PRKCZ: variants seen among roughly 807,000 people sequenced by gnomAD.
PRKCZ encodes protein kinase C zeta.
In PRKCZ, 33 loss-of-function variants were observed where a neutral mutation model predicts 79.5. That is an observed-to-expected ratio of 0.41 (90% CI 0.31 to 0.55). The LOEUF is 0.55. Ranked by LOEUF, PRKCZ falls within the 20% of genes least tolerant of loss-of-function variation. PRKCZ has a pLI of 0.19. For synonymous variants in PRKCZ, 342 were observed against 320.9 expected (o/e 1.07, Z -0.70); for missense variants, 578 against 813.5 (o/e 0.71, Z 3.52).
intron 4 of PRKCZ, among the ~76,000 whole-genome samples, chr1:2,118,617 G>C (rs540816457): frequency 6.6e-6 from 1 of 152,082 alleles, no homozygotes; most frequent in Admixed American, 6.6e-5. Context: ...GATTACAGGC[G>C]TGAGCCACTG....
intron 4 of PRKCZ, among the ~76,000 whole-genome samples, chr1:2,092,485 G>A (rs1665694199): frequency 6.6e-6 from 1 of 152,214 alleles, no homozygotes; most frequent in Admixed American, 6.5e-5. Flanking sequence ...GCAACCTGTG[G>A]GCCCTGGCAA....
intron 9 of PRKCZ, among the ~76,000 whole-genome samples, chr1:2,151,659 A>G (rs1188844228): frequency 6.6e-6 from 1 of 152,012 alleles, no homozygotes; most frequent in Non-Finnish European, 1.5e-5. Flanking sequence ...TCAATGGTTT[A>G]TTTGTTGAAA....
chr1:2,088,680 G>A (rs1664954332), intron 4 of PRKCZ, among the ~76,000 whole-genome samples: 1 of 152,186 alleles, frequency 6.6e-6, no homozygotes, highest in Non-Finnish European at 1.5e-5. Flanking sequence ...GAGCTTCGGA[G>A]CCTGACCAAA....
chr1:2,179,532 AGGT>A (rs1255865418), intron 16 of PRKCZ, among the ~76,000 whole-genome samples: 2 of 152,242 alleles, frequency 1.3e-5, no homozygotes, highest in Admixed American at 6.5e-5. Context: ...CTGATGTGAA[AGGT>A]GGTGGTGAGT....
chr1:2,158,995 G>A (rs997603799), intron 10 of PRKCZ, among the ~76,000 whole-genome samples: 4 of 151,732 alleles, frequency 2.6e-5, no homozygotes, highest in Non-Finnish European at 5.9e-5. Flanking sequence ...GCACGATCTC[G>A]GCTCACTGCA....
intron 9 of PRKCZ, 108 bp downstream of exon 9, chr1:2,151,086 T>C: frequency 1.5e-6 from 2 of 1,316,392 alleles, no homozygotes; most frequent in Non-Finnish European, 1.0e-6. Context: ...AGCCTCACGT[T>C]GACGGAGTTT....
At chr1:2,155,553 G>A (rs1680835741) in intron 9 of PRKCZ, among the ~76,000 whole-genome samples, 1 of 151,488 alleles carries the variant, frequency 6.6e-6, no homozygotes, top group Admixed American at 6.6e-5. Flanking sequence ...TGGTGGTGGT[G>A]ATGGTGATGA....
chr1:2,174,889 A>C lies in PRKCZ; in HGVS notation c.1485+56A>C. 1.3e-6 allele frequency: 2 copies of C among 1,563,592 alleles called. No homozygotes were observed. The highest frequency in any genetic ancestry group is 8.8e-7 in the Non-Finnish European group (1 of 1,134,968). ...GTTTGTGGCCTCGGTGTTGGTGGGC[A>C]GAGGGCCAGGCACGGCTGTTGGCCA... On this transcript the variant is annotated intron_variant, in intron 15 of 17. Coordinates refer to ENST00000378567, the MANE Select transcript of PRKCZ (RefSeq NM_002744.6). This position sits in a 1 kb window ranked among gnomAD's most constrained non-coding sequence, Gnocchi z 6.2.
rs758478111 is a variant in PRKCZ, at chr1:2,175,105, C to T, written c.1486-119C>T. On this transcript the variant is annotated intron_variant, in intron 15 of 17. Coordinates refer to ENST00000378567, the MANE Select transcript of PRKCZ (RefSeq NM_002744.6). ...AATAAAGGAAACATCTGATTTCCAC[C>T]ACCTGGGTCAGAGCATCGGGGGAGG... The T allele has an allele frequency of 9.0e-4, 774 of 856,722 alleles. 4 individuals carry two copies. Among genetic ancestry groups the T allele is most frequent in the Non-Finnish European group, 1.1e-3 (587 of 535,430 alleles). 53.1% of individuals were successfully genotyped at this position (856,722 alleles called of 1,614,324 possible). A position where few individuals can be genotyped will look rare whatever the true frequency, so the allele number is the denominator to read the frequency against.
In PRKCZ at chr1:2,160,238, C is replaced by CGCGCGTGTGTGTGT. The variant is rs71578361; in HGVS notation, c.974+4147_974+4148insCGCGTGTGTGTGTG. Among the ~76,000 whole-genome samples the CGCGCGTGTGTGTGT allele has an allele frequency of 7.1e-3, 1,037 of 146,446 alleles. 12 individuals are homozygous for CGCGCGTGTGTGTGT. Among genetic ancestry groups the CGCGCGTGTGTGTGT allele is most frequent in the African/African-American group, 0.025 (975 of 39,008 alleles). ...GAAAAGCACTTCACCCAGCAGTGTG[C>CGCGCGTGTGTGTGT]GTGTGTGTGTGTGTGTGTGTGTGTG... On this transcript the variant is annotated intron_variant, in intron 10 of 17. Transcript: ENST00000378567.
chr1:2,133,251 G>C (rs918600959), intron 4 of PRKCZ, among the ~76,000 whole-genome samples: 2 of 148,242 alleles, frequency 1.3e-5, no homozygotes, highest in Admixed American at 6.7e-5. Context: ...CCCCAGCTGC[G>C]CGGCCGTCCC....
intron 4 of PRKCZ, among the ~76,000 whole-genome samples, chr1:2,103,886 C>T (rs998227332): frequency 2.0e-5 from 3 of 152,166 alleles, no homozygotes; most frequent in South Asian, 2.1e-4. Context: ...TGAAGGGCAA[C>T]GCGCCCCCGT....
chr1:2,178,377 C>T lies in PRKCZ; in HGVS notation c.1575+3064C>T, dbSNP rs557307096. Among the ~76,000 whole-genome samples the T allele has an allele frequency of 7.2e-5, 11 of 152,340 alleles. No individual in the cohort carries two copies. The highest frequency in any genetic ancestry group is 1.6e-4 in the Non-Finnish European group (11 of 68,020). On this transcript the variant is annotated intron_variant, in intron 16 of 17. Coordinates refer to ENST00000378567, the MANE Select transcript of PRKCZ (RefSeq NM_002744.6). This position sits in a 1 kb window ranked among gnomAD's most constrained non-coding sequence, Gnocchi z 4.3. ...AGCACGTGGCACTGCCTCCTTCCTG[C>T]GCTGAACCCCACCCACTGCGTCCAC...
intron 4 of PRKCZ, among the ~76,000 whole-genome samples, chr1:2,110,878 G>A (rs1368717873): frequency 6.6e-6 from 1 of 152,072 alleles, no homozygotes; most frequent in Non-Finnish European, 1.5e-5. Context: ...GGGCCAGGGT[G>A]GGGCTGGTGG....
chr1:2,170,196 C>T (rs1353865082), intron 11 of PRKCZ, among the ~76,000 whole-genome samples: 1 of 152,146 alleles, frequency 6.6e-6, no homozygotes, highest in African/African-American at 2.4e-5. Flanking sequence ...TGAGAGACTC[C>T]TTCCTGCCCT....
intron 4 of PRKCZ, among the ~76,000 whole-genome samples, chr1:2,103,460 G>A (rs1667843100): frequency 6.6e-6 from 1 of 152,200 alleles, no homozygotes; most frequent in Non-Finnish European, 1.5e-5. Context: ...CCTCGGGAAG[G>A]CCTGGGAGGG....
At chr1:2,148,790 A>G (rs1679254607) in intron 7 of PRKCZ, 82 bp from the exon 8 acceptor site, 5 of 1,392,420 alleles carry the variant, frequency 3.6e-6, no homozygotes, top group Non-Finnish European at 5.1e-6. Context: ...CCTGCAGAGG[A>G]GCAAGGTCCA....
At chr1:2,074,331 G>A (rs1177165804) in intron 4 of PRKCZ, 24 of 1,540,070 alleles carry the variant, frequency 1.6e-5, no homozygotes, top group Middle Eastern at 1.9e-4. Context: ...GCTGGGGGCC[G>A]GGGGGCTTGG....
rs1170833139 is a variant in PRKCZ at position 2,165,208 on chromosome 1, A to G, written c.975-4310A>G. On this transcript the variant is annotated intron_variant, in intron 10 of 17. Coordinates refer to ENST00000378567, the MANE Select transcript of PRKCZ (RefSeq NM_002744.6). The surrounding 1 kb of genome is among the most constrained non-coding windows in gnomAD (Gnocchi z 4.1). ...CCTCATCTGCTGGTGTCTTCCTCAG[A>G]GCTTTAATGTCCGTCCTGCTCTCCG... is the stretch of plus-strand genomic sequence containing the variant. Among the ~76,000 whole-genome samples the G allele has an allele frequency of 6.6e-6, 1 of 152,100 alleles. No individual in the cohort carries two copies. Among genetic ancestry groups the G allele is most frequent in the Non-Finnish European group, 1.5e-5 (1 of 68,026 alleles).
Sources: gnomAD v4.1 joint callset for allele counts (sites outside exome capture counted in the v4.1 genomes callset) on GRCh38, gnomAD v4.1.1 for gene constraint, Gnocchi (gnomAD v3.1) non-coding constraint, MANE v1.5 for transcripts, NCBI Gene and HGNC (gene_info 2026-07-23, HGNC 2026-07-21) for gene names.